CACNA1C: variants seen among roughly 807,000 people sequenced by gnomAD.
CACNA1C encodes calcium voltage-gated channel subunit alpha1 C.
A neutral mutation model predicts 229.0 loss-of-function variants in CACNA1C; 30 were observed. The observed-to-expected ratio is 0.13, with a 90% confidence interval of 0.10 to 0.18. CACNA1C has a LOEUF of 0.18. CACNA1C is among the 10% of genes least tolerant of loss of function. The probability of loss-of-function intolerance (pLI) is 1.00; values close to 1 mark genes in which losing one functional copy is unlikely to be tolerated. For missense variants in CACNA1C, 1,658 were observed against 2,845.0 expected (o/e 0.58, Z 9.49); for synonymous variants, 1,114 against 1,132.5 (o/e 0.98, Z 0.33).
intron 3 of CACNA1C, among the ~76,000 whole-genome samples, chr12:2,189,092 CAAAAAA>C (rs57559183): frequency 1.2e-4 from 4 of 34,400 alleles, no homozygotes; most frequent in African/African-American, 2.7e-4. Context: ...GACTCCGTCT[CAAAAAA>C]AAAAAAAAAA....
intron 1 of CACNA1C, among the ~76,000 whole-genome samples, chr12:2,028,250 G>A (rs1327471881): frequency 6.6e-6 from 1 of 152,198 alleles, no homozygotes; most frequent in Admixed American, 6.5e-5. Context: ...TTGGGGCATG[G>A]AGAGCGGGTC....
At chr12:2,180,538 T>C (rs574046865) in intron 3 of CACNA1C, among the ~76,000 whole-genome samples, 1 of 152,344 alleles carries the variant, frequency 6.6e-6, no homozygotes, top group East Asian at 1.9e-4. Context: ...TGGTAGGTTT[T>C]CCCCACTTCT....
chr12:2,431,559 A>G (rs1476077339), intron 3 of CACNA1C, among the ~76,000 whole-genome samples: 2 of 152,222 alleles, frequency 1.3e-5, no homozygotes, highest in Non-Finnish European at 2.9e-5. Context: ...AGAACATGAT[A>G]GTTAAGACGC....
At chr12:2,344,366 A>G (rs2096946890) in intron 3 of CACNA1C, among the ~76,000 whole-genome samples, 1 of 152,048 alleles carries the variant, frequency 6.6e-6, no homozygotes. Context: ...GCATTTTCAC[A>G]GTATCTTTGT....
intron 3 of CACNA1C, among the ~76,000 whole-genome samples, chr12:2,299,411 C>A (rs1469663506): frequency 6.6e-6 from 1 of 152,148 alleles, no homozygotes; most frequent in African/African-American, 2.4e-5. Context: ...TGCTGCCCAG[C>A]TGTGTACCAT....
intron 13 of CACNA1C, among the ~76,000 whole-genome samples, chr12:2,577,754 T>C (rs2058952410): frequency 6.6e-6 from 1 of 152,244 alleles, no homozygotes; most frequent in Non-Finnish European, 1.5e-5. Context: ...CATCACCTGC[T>C]TTGGGCCAGG....
chr12:2,554,757 G>A (rs1056156873), intron 10 of CACNA1C, among the ~76,000 whole-genome samples: 5 of 152,172 alleles, frequency 3.3e-5, no homozygotes, highest in African/African-American at 4.8e-5. Flanking sequence ...GAACCAAGGC[G>A]TTCAGACGTC....
At chr12:2,039,522 T>A (rs2049725652) in intron 1 of CACNA1C, among the ~76,000 whole-genome samples, 1 of 152,260 alleles carries the variant, frequency 6.6e-6, no homozygotes, top group South Asian at 2.1e-4. Flanking sequence ...CCAAGTACTA[T>A]TCTTGGTAAA....
chr12:2,469,387 C>A (rs937646354), intron 5 of CACNA1C, among the ~76,000 whole-genome samples: 2 of 152,160 alleles, frequency 1.3e-5, no homozygotes, highest in Middle Eastern at 3.2e-3. Flanking sequence ...TCATCTATGC[C>A]GCATTGTGTT....
intron 3 of CACNA1C, among the ~76,000 whole-genome samples, chr12:2,187,957 A>G (rs558558923): frequency 1.3e-5 from 2 of 152,162 alleles, no homozygotes; most frequent in Admixed American, 1.3e-4. Flanking sequence ...CTGCTGTGGT[A>G]TTGGCCACAG....
At chr12:2,318,085 G>A (rs1252172084) in intron 3 of CACNA1C, among the ~76,000 whole-genome samples, 4 of 152,198 alleles carry the variant, frequency 2.6e-5, no homozygotes, top group Non-Finnish European at 5.9e-5. Flanking sequence ...GAGTGGTGCT[G>A]CGGATGGCTT....
rs147859134 is a variant in CACNA1C at position 2,497,601 on chromosome 12, G to A, written c.1113+4215G>A. Reference sequence around the variant, plus strand: ...AACCACAGTAAAGAGCCTCTGGCCCGCGTTATCCTGGGTTCATGCCCCTTC... The same window carrying A: ...AACCACAGTAAAGAGCCTCTGGCCCACGTTATCCTGGGTTCATGCCCCTTC... On this transcript the variant is annotated intron_variant, in intron 7 of 46. Coordinates refer to ENST00000399655, the MANE Select transcript of CACNA1C (RefSeq NM_000719.7). 2.7e-3 allele frequency among the ~76,000 whole-genome samples: 416 copies of A among 152,224 alleles called. 7 individuals are homozygous for A. The highest frequency in any genetic ancestry group is 6.4e-3 in the Admixed American group (98 of 15,294).
rs187464349 is a variant in CACNA1C at position 2,353,348 on chromosome 12, C to T, written c.478-95628C>T. On this transcript the variant is annotated intron_variant, in intron 3 of 46. Coordinates refer to ENST00000399655, the MANE Select transcript of CACNA1C (RefSeq NM_000719.7). ...TGGGAAATTCTGAAGCCCATGGGGACAACCTTGTCCCCCTGGCCGTGCTCT... is the reference window on the plus strand; with the variant it reads ...TGGGAAATTCTGAAGCCCATGGGGATAACCTTGTCCCCCTGGCCGTGCTCT... Among the ~76,000 whole-genome samples, 6 of 152,340 alleles carry T rather than the reference C, an allele frequency of 3.9e-5. No homozygotes were observed. In the East Asian group the frequency reaches 1.2e-3, roughly 29 times the overall value.
intron 3 of CACNA1C, among the ~76,000 whole-genome samples, chr12:2,440,424 C>T (rs142314992): frequency 1.3e-3 from 200 of 152,314 alleles, no homozygotes; most frequent in African/African-American, 4.0e-3. Flanking sequence ...AGTGTTTTCA[C>T]GGCTCGTCCA....
chr12:2,217,807 G>T (rs1447386908), intron 3 of CACNA1C: 5 of 152,202 alleles, frequency 3.3e-5, no homozygotes, highest in Non-Finnish European at 7.3e-5. Context: ...CGATCGGTGT[G>T]ACCTTGGGCC....
chr12:2,188,658 A>C (rs2097118270), intron 3 of CACNA1C, among the ~76,000 whole-genome samples: 1 of 152,172 alleles, frequency 6.6e-6, no homozygotes, highest in African/African-American at 2.4e-5. Context: ...TTTTAGGCCT[A>C]TATTATACTT....
intron 31 of CACNA1C, among the ~76,000 whole-genome samples, chr12:2,650,890 G>C: frequency 6.6e-6 from 1 of 152,144 alleles, no homozygotes; most frequent in East Asian, 1.9e-4. Flanking sequence ...CCCTTCCAGG[G>C]TCTTGTACAG....
intron 39 of CACNA1C, 51 bp downstream of exon 39, chr12:2,674,693 C>A (rs908226392): frequency 7.5e-6 from 11 of 1,463,882 alleles, no homozygotes; most frequent in Non-Finnish European, 1.0e-5. Flanking sequence ...GCCGTGCCCC[C>A]CTCTGCCTGC....
intron 3 of CACNA1C, among the ~76,000 whole-genome samples, chr12:2,436,879 T>C (rs2099139970): frequency 6.6e-6 from 1 of 152,186 alleles, no homozygotes; most frequent in South Asian, 2.1e-4. Flanking sequence ...GGACCTCAGT[T>C]TTTCCCACCT....
Sources: gnomAD v4.1 joint callset for allele counts (sites outside exome capture counted in the v4.1 genomes callset) on GRCh38, gnomAD v4.1.1 for gene constraint, MANE v1.5 for transcripts, NCBI Gene and HGNC (gene_info 2026-07-23, HGNC 2026-07-21) for gene names.